Variants in NTRK2 observed in about 807,000 individuals in gnomAD.
The protein encoded by NTRK2 is BDNF/NT-3 growth factors receptor.
In NTRK2, 13 loss-of-function variants were observed where a neutral mutation model predicts 94.5. That is an observed-to-expected ratio of 0.14 (90% CI 0.09 to 0.22). The LOEUF (loss-of-function observed/expected upper bound fraction) is 0.22. NTRK2 is among the 10% of genes least tolerant of loss of function. NTRK2 has a pLI of 1.00. For missense variants in NTRK2, 639 were observed against 1,071.2 expected, an observed-to-expected ratio of 0.60 and a Z score of 5.63; for synonymous variants, 372 against 407.4, an observed-to-expected ratio of 0.91 and a Z score of 1.05.
rs554203065 is a variant in NTRK2 at position 84,679,346 on chromosome 9, T to C, written c.212+8386T>C. 5.3e-5 allele frequency among the ~76,000 whole-genome samples: 8 copies of C among 152,322 alleles called. No individual in the cohort carries two copies. In the East Asian group the frequency reaches 1.5e-3, roughly 29 times the overall value. ...ATATATATACAAACAATCATTTGGC[T>C]GTAAACCCCCTTTAATGGATTGTAA... On this transcript the variant is annotated intron_variant, in intron 2 of 18. Transcript: ENST00000277120.
intron 17 of NTRK2, among the ~76,000 whole-genome samples, chr9:84,976,224 G>A (rs114209990): frequency 0.01 from 1,582 of 152,304 alleles, 25 homozygotes; most frequent in African/African-American, 0.037. Context: ...GTGCCAGCAT[G>A]GTTGGGTTCT....
chr9:84,845,913 A>C (rs1382534091), intron 12 of NTRK2, among the ~76,000 whole-genome samples: 1 of 151,702 alleles, frequency 6.6e-6, no homozygotes, highest in African/African-American at 2.4e-5. Flanking sequence ...TACTCCAAAA[A>C]CTATTAAAAT....
Position 84,675,139 on chromosome 9 carries a change from A to G in NTRK2, c.212+4179A>G, listed in dbSNP as rs116587314. 7.1e-3 allele frequency among the ~76,000 whole-genome samples: 1,084 copies of G among 152,190 alleles called. 18 individuals carry two copies. The highest frequency in any genetic ancestry group is 0.024 in the African/African-American group (1,009 of 41,516). On this transcript the variant is annotated intron_variant, in intron 2 of 18. Transcript: ENST00000277120. ...TGTGTCTGCTTCAATATTCCCTTAT[A>G]AAGGTGTTTTCTAAGCTGAAGAGTT...
intron 12 of NTRK2, among the ~76,000 whole-genome samples, chr9:84,831,741 A>G (rs973878877): frequency 1.3e-5 from 2 of 152,254 alleles, no homozygotes; most frequent in African/African-American, 4.8e-5. Context: ...AGAGAAAAGA[A>G]GAGACTTCAG....
At chr9:84,984,526 CCA>C (rs1174037196) in intron 17 of NTRK2, among the ~76,000 whole-genome samples, 3 of 152,058 alleles carry the variant, frequency 2.0e-5, no homozygotes, top group Non-Finnish European at 4.4e-5. Context: ...CTAGGTTCTG[CCA>C]CAGTTTCTGA....
intron 12 of NTRK2, among the ~76,000 whole-genome samples, chr9:84,788,536 T>C (rs2068373548): frequency 6.6e-6 from 1 of 152,192 alleles, no homozygotes; most frequent in Admixed American, 6.5e-5. Flanking sequence ...TTGCTTTATG[T>C]AGAAGAAGCC....
chr9:84,747,958 A>C (rs1466328753), intron 11 of NTRK2, among the ~76,000 whole-genome samples: 1 of 152,198 alleles, frequency 6.6e-6, no homozygotes, highest in Admixed American at 6.5e-5. Flanking sequence ...TGTGGTTCAG[A>C]TATTTTATAT....
At chr9:84,957,901 A>T (rs1405203648) in intron 17 of NTRK2, among the ~76,000 whole-genome samples, 1 of 152,258 alleles carries the variant, frequency 6.6e-6, no homozygotes, top group Admixed American at 6.5e-5. Flanking sequence ...ATGGAATATT[A>T]TTCAGCAGTA....
chr9:84,670,536 G>T lies in NTRK2; in HGVS notation c.-213G>T. 3.4e-6 allele frequency: 2 copies of T among 595,322 alleles called. No homozygotes were observed. The highest frequency in any genetic ancestry group is 6.0e-6 in the Non-Finnish European group (2 of 334,502). 36.9% of individuals were successfully genotyped at this position (595,322 alleles called of 1,614,324 possible). ...GTAGCGCCCCCCTGTAAAGCGGTTC[G>T]CTATGCCGGGGCCACTGTGAACCCT... On this transcript the variant is annotated 5_prime_UTR_variant, in exon 2 of 19. Coordinates refer to ENST00000277120, the MANE Select transcript of NTRK2 (RefSeq NM_006180.6).
chr9:84,885,824 G>A (rs1170560949), intron 14 of NTRK2, among the ~76,000 whole-genome samples: 1 of 152,122 alleles, frequency 6.6e-6, no homozygotes, highest in Non-Finnish European at 1.5e-5. Flanking sequence ...TCGAGGTCAG[G>A]AGTTCAAGAC....
Position 84,949,686 on chromosome 9 carries a change from G to A in NTRK2, c.1937+1052G>A, listed in dbSNP as rs548719141. ...TTGCCATGTTGGCCAGGCTGGTCTC[G>A]AACTCCTGACCTCGAGTGATCTGCC... On this transcript the variant is annotated intron_variant, in intron 16 of 18. Transcript: ENST00000277120. Among the ~76,000 whole-genome samples, 12 of 152,140 alleles carry A rather than the reference G, an allele frequency of 7.9e-5. 2 individuals carry two copies. The South Asian group carries it at 2.1e-3, about 26-fold the overall frequency.
chr9:84,728,398 G>A (rs2062613040), intron 9 of NTRK2, among the ~76,000 whole-genome samples: 1 of 152,106 alleles, frequency 6.6e-6, no homozygotes, highest in South Asian at 2.1e-4. Flanking sequence ...GATACACACT[G>A]GATTAATAAC....
At chr9:84,956,003 T>C (rs1299015918) in intron 17 of NTRK2, among the ~76,000 whole-genome samples, 3 of 152,114 alleles carry the variant, frequency 2.0e-5, no homozygotes, top group African/African-American at 7.2e-5. Flanking sequence ...GTGGGTGAGA[T>C]CTCCAAGAGT....
intron 12 of NTRK2, among the ~76,000 whole-genome samples, chr9:84,839,414 G>A (rs2074049008): frequency 6.6e-6 from 1 of 152,148 alleles, no homozygotes; most frequent in Admixed American, 6.5e-5. Flanking sequence ...AATGTATGTG[G>A]ACTGGATAGA....
intron 17 of NTRK2, among the ~76,000 whole-genome samples, chr9:85,000,950 C>T (rs918984703): frequency 6.6e-6 from 1 of 152,186 alleles, no homozygotes; most frequent in Non-Finnish European, 1.5e-5. Context: ...TGGATTTTAG[C>T]CATTCTAATA....
chr9:84,879,826 C>T (rs1013384521), intron 14 of NTRK2, among the ~76,000 whole-genome samples: 6 of 151,996 alleles, frequency 3.9e-5, no homozygotes, highest in African/African-American at 1.5e-4. Context: ...GTGTATTAAC[C>T]TTTGGATCTG....
intron 17 of NTRK2, among the ~76,000 whole-genome samples, chr9:84,992,367 T>C (rs1308744200): frequency 1.3e-5 from 2 of 151,692 alleles, no homozygotes; most frequent in Non-Finnish European, 2.9e-5. Context: ...GAGCATATTT[T>C]CTCCTGCCAC....
intron 14 of NTRK2, among the ~76,000 whole-genome samples, chr9:84,889,067 T>G (rs962967081): frequency 7.3e-6 from 1 of 137,754 alleles, no homozygotes; most frequent in African/African-American, 2.7e-5. Flanking sequence ...CTCGGCTCAC[T>G]GCAAGCTCCG....
intron 14 of NTRK2, among the ~76,000 whole-genome samples, chr9:84,904,986 G>A (rs956544028): frequency 1.1e-4 from 16 of 152,124 alleles, no homozygotes; most frequent in African/African-American, 3.6e-4. Context: ...AACAAAAGGA[G>A]AAAAGAAAAA....
Sources: allele counts gnomAD v4.1 joint callset (sites outside exome capture counted in the v4.1 genomes callset), GRCh38; gene constraint gnomAD v4.1.1; transcripts MANE v1.5; gene names NCBI Gene and HGNC (gene_info 2026-07-23, HGNC 2026-07-21).